UBR2: variants seen among roughly 807,000 people sequenced by gnomAD.
The protein encoded by UBR2 is ubiquitin protein ligase E3 component n-recognin 2, also known as E3 ubiquitin-protein ligase UBR2.
UBR2 carries 92 observed loss-of-function variants against 247.9 expected under a neutral mutation model. The observed-to-expected ratio is 0.37, with a 90% CI of 0.31 to 0.44. The LOEUF is 0.44. Ranked by LOEUF, UBR2 falls within the 20% of genes least tolerant of loss-of-function variation. UBR2 has a pLI of 1.00. For synonymous variants in UBR2, 672 were observed against 693.5 expected, an observed-to-expected ratio of 0.97 and a Z score of 0.49; for missense variants, 1,613 against 2,112.6, an observed-to-expected ratio of 0.76 and a Z score of 4.64.
At chr6:42,614,094 G>A (rs538936031) in intron 8 of UBR2, among the ~76,000 whole-genome samples, 61 of 147,436 alleles carry the variant, frequency 4.1e-4, no homozygotes, top group African/African-American at 1.2e-3. Flanking sequence ...CAGGAATTGC[G>A]TGAACCCAGG....
intron 2 of UBR2, among the ~76,000 whole-genome samples, chr6:42,588,877 G>A (rs1208380691): frequency 1.3e-5 from 2 of 152,158 alleles, no homozygotes; most frequent in Admixed American, 1.3e-4. Context: ...TCGCCATTAA[G>A]TGATGTTAGC....
At chr6:42,574,026 C>T (rs770919598) in intron 2 of UBR2, 33 bp downstream of exon 2, 5 of 1,498,812 alleles carry the variant, frequency 3.3e-6, no homozygotes, top group African/African-American at 1.4e-5. Context: ...CTAGGAGGCT[C>T]TTGTTTTATT....
In UBR2 at chr6:42,658,337, G is replaced by A. The variant is rs1462515601; in HGVS notation, c.3063+17G>A. On this transcript the variant is annotated intron_variant, in intron 28 of 46. Transcript: ENST00000372901. ...ATGGAAGAGGTATAAACAGTAAAAA[G>A]TGTGATAATACTAAAAAATTACAGC... 1 of 1,596,270 alleles carries A rather than the reference G, an allele frequency of 6.3e-7. No individual in the cohort carries two copies. Among genetic ancestry groups the A allele is most frequent in the South Asian group, 1.1e-5 (1 of 87,190 alleles).
chr6:42,658,929 T>C (rs2151972856), intron 29 of UBR2, 105 bp downstream of exon 29: 1 of 1,247,418 alleles, frequency 8.0e-7, no homozygotes, highest in Non-Finnish European at 1.1e-6. Context: ...TAAAGTAATT[T>C]AGTAGAATTC....
chr6:42,633,923 G>C (rs534002951), intron 13 of UBR2, among the ~76,000 whole-genome samples: 1 of 151,290 alleles, frequency 6.6e-6, no homozygotes, highest in South Asian at 2.1e-4. Flanking sequence ...TAGAGACGAG[G>C]TTTCACCAAG....
At chr6:42,582,572 T>C (rs186630945) in intron 2 of UBR2, among the ~76,000 whole-genome samples, 15 of 152,294 alleles carry the variant, frequency 9.8e-5, no homozygotes, top group Admixed American at 7.2e-4. Context: ...CCTCTAGTAA[T>C]GTACGAAAGT....
At chr6:42,628,503 C>T (rs1405633544) in intron 11 of UBR2, among the ~76,000 whole-genome samples, 1 of 152,074 alleles carries the variant, frequency 6.6e-6, no homozygotes, top group Non-Finnish European at 1.5e-5. Flanking sequence ...GGGAGGATCA[C>T]TTGAGGTCAG....
chr6:42,601,875 CTT>C (rs534921007), intron 4 of UBR2, among the ~76,000 whole-genome samples: 34 of 120,028 alleles, frequency 2.8e-4, no homozygotes, highest in Admixed American at 3.4e-4. Context: ...TTTTTTTTTT[CTT>C]TTTTTTTTTT....
intron 40 of UBR2, 40 bp from the exon 41 acceptor site, chr6:42,678,499 T>C (rs777235201): frequency 6.3e-7 from 1 of 1,592,758 alleles, no homozygotes. Flanking sequence ...AGTGACCTTT[T>C]CTTAGTAGAT....
chr6:42,684,103 C>T (rs539764331), intron 43 of UBR2, among the ~76,000 whole-genome samples: 199 of 152,274 alleles, frequency 1.3e-3, no homozygotes, highest in African/African-American at 4.6e-3. Context: ...TCCACCCTGA[C>T]GTCAGAAAAC....
chr6:42,678,829 CAT>C (rs1798873051), intron 41 of UBR2, among the ~76,000 whole-genome samples, 160 bp downstream of exon 41: 1 of 152,164 alleles, frequency 6.6e-6, no homozygotes, highest in Admixed American at 6.5e-5. Context: ...TATGTTTATG[CAT>C]ATGTCTCCAT....
chr6:42,571,993 G>C (rs1010544954), intron 1 of UBR2, among the ~76,000 whole-genome samples: 2 of 152,078 alleles, frequency 1.3e-5, no homozygotes, highest in Non-Finnish European at 2.9e-5. Context: ...TCTGAAGGGA[G>C]AGAATACTTA....
At chr6:42,642,709 A>C (rs140726987) in intron 18 of UBR2, among the ~76,000 whole-genome samples, 138 of 152,256 alleles carry the variant, frequency 9.1e-4, no homozygotes, top group African/African-American at 2.7e-3. Context: ...TGTTTCCTCC[A>C]TACCTTCTTC....
At position 42,679,762 on chromosome 6, in the gene UBR2, C is replaced by T; in HGVS notation, c.4648C>T (p.Leu1550Phe). The T allele has an allele frequency of 6.2e-7, 1 of 1,613,392 alleles. No homozygotes were observed. Among genetic ancestry groups the T allele is most frequent in the Non-Finnish European group, 8.5e-7 (1 of 1,179,816 alleles). Residue 1550 changes from leucine (L) to phenylalanine (F), a missense_variant, in exon 42 of 47, where the codon CTT (leucine) becomes TTT (phenylalanine). Physicochemically the swap from Leu to Phe is conservative, Grantham distance 22 (BLOSUM62 0). This residue lies in a region of UBR2 where 1,524 missense variants were observed against 1,967.3 expected (regional missense o/e 0.77). Transcript: ENST00000372901. ...TSHFEHLCSYLSLPNNLICLF... is the reference protein window; with the variant it reads ...TSHFEHLCSYFSLPNNLICLF... ...CCATTTTGAACATTTATGTAGCTATCTTTCCCTACCAAACAACCTCATTTG... is the reference window on the plus strand; with the variant it reads ...CCATTTTGAACATTTATGTAGCTATTTTTCCCTACCAAACAACCTCATTTG...
chr6:42,682,270 A>G (rs1799100880), intron 42 of UBR2, among the ~76,000 whole-genome samples: 1 of 152,134 alleles, frequency 6.6e-6, no homozygotes, highest in South Asian at 2.1e-4. Context: ...GGAATTTTGC[A>G]TTTAATGAGT....
intron 44 of UBR2, 164 bp from the exon 45 acceptor site, chr6:42,688,052 G>C: frequency 1.4e-6 from 1 of 703,414 alleles, no homozygotes; most frequent in Non-Finnish European, 2.4e-6. Context: ...TGTGCAAGAT[G>C]TTTCCTATTC....
intron 2 of UBR2, among the ~76,000 whole-genome samples, chr6:42,589,404 C>T (rs901522409): frequency 3.9e-5 from 6 of 152,106 alleles, no homozygotes; most frequent in East Asian, 3.8e-4. Flanking sequence ...TCTTTTTATA[C>T]GTTGTTGGAT....
intron 26 of UBR2, among the ~76,000 whole-genome samples, chr6:42,657,356 C>T (rs985993406): frequency 2.6e-5 from 4 of 152,072 alleles, no homozygotes; most frequent in East Asian, 1.9e-4. Context: ...TTAAGACACA[C>T]GATTTATTTC....
chr6:42,619,528 C>A, intron 11 of UBR2: 1 of 224,756 alleles, frequency 4.4e-6, no homozygotes, highest in South Asian at 1.6e-4. Flanking sequence ...GCAGGTGGAT[C>A]ACCTGAGCTT....
Sources: allele counts gnomAD v4.1 joint callset (sites outside exome capture counted in the v4.1 genomes callset), GRCh38; gene constraint gnomAD v4.1.1; regional missense constraint gnomAD v4.1.1; transcripts MANE v1.5; gene names NCBI Gene and HGNC (gene_info 2026-07-23, HGNC 2026-07-21).